The following GABPB1 variants were observed in gnomAD, a reference collection of about 807,000 sequenced individuals.
The protein encoded by GABPB1 is GA-binding protein subunit beta-1.
In GABPB1, 15 loss-of-function variants were observed where a neutral mutation model predicts 45.9. The ratio of observed to expected loss-of-function variants is 0.33; its 90% CI spans 0.22 to 0.50. The LOEUF is 0.50. GABPB1 is among the 20% of genes least tolerant of loss of function. The probability of loss-of-function intolerance (pLI) is 0.98; values close to 1 mark genes in which losing one functional copy is unlikely to be tolerated. For missense variants in GABPB1, 252 were observed against 457.5 expected (o/e 0.55, Z 4.10); for synonymous variants, 143 against 154.4 (o/e 0.93, Z 0.55).
intron 1 of GABPB1, among the ~76,000 whole-genome samples, chr15:50,321,797 G>C (rs1330575373): frequency 6.6e-6 from 1 of 151,826 alleles, no homozygotes; most frequent in Non-Finnish European, 1.5e-5. Flanking sequence ...AACCAAAATC[G>C]TCATAATGTT....
rs564246607 is a variant in GABPB1, at chr15:50,341,875, ATACAG to A, written c.-1+13105_-1+13109del. Among the ~76,000 whole-genome samples the A allele has an allele frequency of 1.2e-3, 180 of 152,312 alleles. 1 individual carries two copies. Among genetic ancestry groups the A allele is most frequent in the Admixed American group, 0.011 (164 of 15,292 alleles). ...AACTTCCTACAAGTTAATTCTGACT[ATACAG>A]TATTTTCCCCTAATATGCATAATCA... On this transcript the variant is annotated intron_variant, in intron 1 of 8. Transcript: ENST00000380877.
chr15:50,317,800 T>C (rs945365306), intron 1 of GABPB1, among the ~76,000 whole-genome samples: 2 of 151,680 alleles, frequency 1.3e-5, no homozygotes, highest in African/African-American at 4.9e-5. Context: ...TCCCAGCTAC[T>C]CGGGAGGCTG....
intron 1 of GABPB1, among the ~76,000 whole-genome samples, chr15:50,339,234 C>T (rs898261133): frequency 1.3e-5 from 2 of 152,192 alleles, no homozygotes; most frequent in African/African-American, 4.8e-5. Context: ...GGGAGCACTG[C>T]TTGAGCCTGG....
intron 1 of GABPB1, chr15:50,346,483 T>C (rs372694524): frequency 1.6e-4 from 24 of 152,196 alleles, no homozygotes; most frequent in East Asian, 1.5e-3. Flanking sequence ...GATGTCAAAG[T>C]GCAGACTGTA....
At chr15:50,302,155 A>G (rs1320169626) in intron 4 of GABPB1, among the ~76,000 whole-genome samples, 2 of 152,222 alleles carry the variant, frequency 1.3e-5, no homozygotes, top group Non-Finnish European at 1.5e-5. Flanking sequence ...GTTACTAGAA[A>G]AATCTTCCCA....
At chr15:50,290,212 G>C (rs1327317054) in intron 6 of GABPB1, among the ~76,000 whole-genome samples, 1 of 152,160 alleles carries the variant, frequency 6.6e-6, no homozygotes, top group Non-Finnish European at 1.5e-5. Context: ...TTACATGTGA[G>C]TGGTTAAACA....
intron 1 of GABPB1, among the ~76,000 whole-genome samples, chr15:50,336,976 T>A (rs1392593606): frequency 6.7e-6 from 1 of 148,884 alleles, no homozygotes; most frequent in Non-Finnish European, 1.5e-5. Context: ...GCCCAAGAGG[T>A]TGAGGCTGCA....
At chr15:50,341,398 G>A (rs1052962471) in intron 1 of GABPB1, among the ~76,000 whole-genome samples, 1 of 152,074 alleles carries the variant, frequency 6.6e-6, no homozygotes, top group African/African-American at 2.4e-5. Flanking sequence ...CAGGCATGGC[G>A]GTGCATGCCT....
intron 1 of GABPB1, chr15:50,352,795 C>T (rs1387699790): frequency 6.6e-6 from 1 of 152,182 alleles, no homozygotes; most frequent in Admixed American, 6.5e-5. Context: ...GACTACAGTT[C>T]ACAGAAACAA....
intron 1 of GABPB1, among the ~76,000 whole-genome samples, chr15:50,329,173 TCAAGTA>T (rs1415710230): frequency 1.3e-5 from 2 of 152,154 alleles, no homozygotes; most frequent in African/African-American, 4.8e-5. Flanking sequence ...CTGGATTCTT[TCAAGTA>T]CAAGTATTTA....
chr15:50,287,630 T>C (rs2046210156), intron 7 of GABPB1, among the ~76,000 whole-genome samples: 1 of 152,176 alleles, frequency 6.6e-6, no homozygotes, highest in Non-Finnish European at 1.5e-5. Flanking sequence ...GCCCAACACC[T>C]TGATCTCGCA....
chr15:50,330,334 C>T (rs2047906406), intron 1 of GABPB1, among the ~76,000 whole-genome samples: 1 of 152,080 alleles, frequency 6.6e-6, no homozygotes, highest in Non-Finnish European at 1.5e-5. Flanking sequence ...TTTACAGCTG[C>T]ATAGTACTCG....
At chr15:50,340,988 A>G (rs550975208) in intron 1 of GABPB1, among the ~76,000 whole-genome samples, 1 of 128,782 alleles carries the variant, frequency 7.8e-6, no homozygotes, top group South Asian at 2.3e-4. Flanking sequence ...TACCATATGT[A>G]ATATTACATA....
Position 50,317,424 on chromosome 15 carries a change from A to AG in GABPB1, c.1-7627_1-7626insC, listed in dbSNP as rs1183839000. On this transcript the variant is annotated intron_variant, in intron 1 of 8. Transcript: ENST00000380877. ...CGTCTCAAAAAAAAAAAAGAAAGAA[A>AG]AAAAAAAACCACTTGGAAACAATAC... Among the ~76,000 whole-genome samples, 577 of 151,054 alleles carry AG rather than the reference A, an allele frequency of 3.8e-3. 2 individuals carry two copies. Among genetic ancestry groups the AG allele is most frequent in the African/African-American group, 0.013 (535 of 41,250 alleles).
chr15:50,292,348 T>C (rs961374365), intron 6 of GABPB1, among the ~76,000 whole-genome samples: 1 of 151,236 alleles, frequency 6.6e-6, no homozygotes, highest in African/African-American at 2.4e-5. Context: ...GATAAATCAT[T>C]GTAACTTCTA....
chr15:50,291,322 ATT>A (rs10608855), intron 6 of GABPB1, among the ~76,000 whole-genome samples: 70,293 of 148,262 alleles, frequency 0.47, 17,771 homozygotes, highest in Middle Eastern at 0.64. Context: ...TATCCATTGA[ATT>A]TTTTTTTTTT....
At chr15:50,312,415 C>A (rs1361684147) in intron 1 of GABPB1, among the ~76,000 whole-genome samples, 1 of 152,020 alleles carries the variant, frequency 6.6e-6, no homozygotes, top group Admixed American at 6.6e-5. Context: ...TCACTGAAAG[C>A]CAAGATACTC....
At chr15:50,349,517 T>G (rs1246932312) in intron 1 of GABPB1, 1 of 152,194 alleles carries the variant, frequency 6.6e-6, no homozygotes, top group Non-Finnish European at 1.5e-5. Flanking sequence ...ATCACACAGC[T>G]AGAGTATGAC....
At chr15:50,280,201 C>T (rs12906304) in intron 8 of GABPB1, among the ~76,000 whole-genome samples, 25,873 of 152,042 alleles carry the variant, frequency 0.17, 2,394 homozygotes, top group African/African-American at 0.22. Context: ...TAAGCAATGC[C>T]CAGGCCCTAT....
Sources: allele counts gnomAD v4.1 joint callset (sites outside exome capture counted in the v4.1 genomes callset), GRCh38; gene constraint gnomAD v4.1.1; transcripts MANE v1.5; gene names NCBI Gene and HGNC (gene_info 2026-07-23, HGNC 2026-07-21).